Variants in EYA2 observed in about 807,000 individuals in gnomAD.
The protein encoded by EYA2 is EYA transcriptional coactivator and phosphatase 2, also known as protein phosphatase EYA2.
A neutral mutation model predicts 69.2 loss-of-function variants in EYA2; 31 were observed. The observed-to-expected ratio is 0.45, with a 90% CI of 0.34 to 0.60. The LOEUF (loss-of-function observed/expected upper bound fraction) is 0.60, where lower values mean the gene tolerates loss of function less well. EYA2 is among the 20% of genes least tolerant of loss of function. The pLI, the probability that EYA2 is intolerant of heterozygous loss-of-function variation, is 0.02. For synonymous variants in EYA2, 257 were observed against 279.4 expected, an observed-to-expected ratio of 0.92 and a Z score of 0.80; for missense variants, 622 against 701.2, an observed-to-expected ratio of 0.89 and a Z score of 1.28.
At chr20:47,017,733 C>T (rs1203391466) in intron 5 of EYA2, among the ~76,000 whole-genome samples, 2 of 152,208 alleles carry the variant, frequency 1.3e-5, no homozygotes, top group African/African-American at 4.8e-5. Context: ...TGGGTTCTCT[C>T]ATACAACCTT....
At chr20:46,987,997 T>TATATATA (rs1568707230) in intron 1 of EYA2, among the ~76,000 whole-genome samples, 1 of 69,022 alleles carries the variant, frequency 1.4e-5, no homozygotes, top group African/African-American at 5.6e-5. Context: ...TATATATATA[T>TATATATA]GGGGCAAAAA....
At chr20:46,976,202 A>C (rs1452684685) in intron 1 of EYA2, among the ~76,000 whole-genome samples, 1 of 152,180 alleles carries the variant, frequency 6.6e-6, no homozygotes, top group Non-Finnish European at 1.5e-5. Context: ...TCTCCACAAA[A>C]AAATAAAAAT....
intron 10 of EYA2, among the ~76,000 whole-genome samples, chr20:47,158,520 A>C (rs6012123): frequency 0.36 from 54,827 of 150,380 alleles, 10,189 homozygotes; most frequent in Non-Finnish European, 0.39. Flanking sequence ...TCTGTCTCAA[A>C]AAAAAAAAAA....
intron 10 of EYA2, among the ~76,000 whole-genome samples, chr20:47,156,065 C>A (rs1428844493): frequency 9.7e-6 from 1 of 102,892 alleles, no homozygotes; most frequent in Non-Finnish European, 1.8e-5. Context: ...TATATACATA[C>A]ACACACACAC....
chr20:47,166,615 T>C (rs1348456696), intron 10 of EYA2, among the ~76,000 whole-genome samples: 1 of 151,856 alleles, frequency 6.6e-6, no homozygotes, highest in African/African-American at 2.4e-5. Flanking sequence ...GGCAGCTGCC[T>C]CGAGAAATCA....
intron 9 of EYA2, among the ~76,000 whole-genome samples, chr20:47,139,555 G>C (rs905135601): frequency 2.0e-5 from 3 of 152,042 alleles, no homozygotes; most frequent in Non-Finnish European, 4.4e-5. Flanking sequence ...TCAGCCTCCC[G>C]AATAGCTGGG....
rs766324822 is a variant in EYA2 at position 47,016,309 on chromosome 20, G to T, written c.415+12G>T. On this transcript the variant is annotated intron_variant, in intron 5 of 15. Transcript: ENST00000327619. ...CTACCAGATGCACGGTCAGTGTGGC[G>T]CTGTGGCCCCTTCCTGCCCATCTCT... The T allele has an allele frequency of 1.3e-6, 2 of 1,599,536 alleles. No homozygotes were observed. The highest frequency in any genetic ancestry group is 1.3e-5 in the African/African-American group (1 of 74,780).
chr20:46,977,110 C>T lies in EYA2; in HGVS notation c.-10-12891C>T, dbSNP rs772596086. On this transcript the variant is annotated intron_variant, in intron 1 of 15. Coordinates refer to ENST00000327619, the MANE Select transcript of EYA2 (RefSeq NM_005244.5). The stretch of plus-strand genomic sequence containing the variant: ...GGAACAAGATGTACAAGATCAATAG[C>T]GATAACAACACATTCACAAAACACA... Among the ~76,000 whole-genome samples the T allele has an allele frequency of 1.4e-4, 21 of 152,132 alleles. No homozygotes were observed. In the South Asian group the frequency reaches 1.9e-3, roughly 14 times the overall value.
chr20:47,081,687 G>A (rs1270686803), intron 7 of EYA2, among the ~76,000 whole-genome samples: 2 of 150,818 alleles, frequency 1.3e-5, no homozygotes, highest in Non-Finnish European at 3.0e-5. Context: ...GCTGAGGCAG[G>A]AGAATCACTT....
chr20:47,119,705 G>T (rs932678692), intron 9 of EYA2, among the ~76,000 whole-genome samples: 1 of 152,172 alleles, frequency 6.6e-6, no homozygotes, highest in African/African-American at 2.4e-5. Flanking sequence ...TTTCCTTTTA[G>T]GGTGATGAAA....
intron 10 of EYA2, among the ~76,000 whole-genome samples, chr20:47,160,103 G>A (rs991175855): frequency 2.0e-5 from 3 of 152,152 alleles, no homozygotes; most frequent in Non-Finnish European, 2.9e-5. Context: ...GAGCAGGAGC[G>A]GGACGTGATC....
In EYA2 at chr20:46,895,313, G is replaced by C. The variant is rs916518790; in HGVS notation, c.-11+326G>C. ...ATGGCGCGCAGGCGGTGTAGACGCGGCTGGGTCCTTGGCGTTTTGTTCGAT... is the reference window on the plus strand; with the variant it reads ...ATGGCGCGCAGGCGGTGTAGACGCGCCTGGGTCCTTGGCGTTTTGTTCGAT... On this transcript the variant is annotated intron_variant, in intron 1 of 15. Transcript: ENST00000327619. Among the ~76,000 whole-genome samples the C allele has an allele frequency of 7.2e-5, 11 of 152,306 alleles. No individual in the cohort carries two copies. In the Middle Eastern group the frequency reaches 0.01, roughly 141 times the overall value.
rs550566558 is a variant in EYA2, at chr20:47,057,517, C to T, written c.416-14668C>T. Among the ~76,000 whole-genome samples, 142 of 150,682 alleles carry T rather than the reference C, an allele frequency of 9.4e-4. 2 individuals carry two copies. The highest frequency in any genetic ancestry group is 3.7e-4 in the Non-Finnish European group (25 of 67,336). On this transcript the variant is annotated intron_variant, in intron 5 of 15. Coordinates refer to ENST00000327619, the MANE Select transcript of EYA2 (RefSeq NM_005244.5). ...CTGACTACTTTTTATATCACCCCCC[C>T]CCCCCATCTCATACCTCCAGACCTT... is the stretch of plus-strand genomic sequence containing the variant.
intron 2 of EYA2, among the ~76,000 whole-genome samples, chr20:46,994,415 A>G (rs1981882863): frequency 6.6e-6 from 1 of 152,178 alleles, no homozygotes; most frequent in African/African-American, 2.4e-5. Context: ...TTTAAAATGC[A>G]CATGCATTTT....
At chr20:47,073,260 T>C (rs2031382219) in intron 6 of EYA2, among the ~76,000 whole-genome samples, 1 of 152,134 alleles carries the variant, frequency 6.6e-6, no homozygotes, top group Non-Finnish European at 1.5e-5. Flanking sequence ...TTTGAAACAA[T>C]GACTGTTGGA....
chr20:47,053,552 G>A (rs1041904740), intron 5 of EYA2, among the ~76,000 whole-genome samples: 4 of 151,266 alleles, frequency 2.6e-5, no homozygotes, highest in Admixed American at 6.6e-5. Flanking sequence ...CTGTAGTCTC[G>A]GCTACTCAGG....
chr20:47,117,589 A>G (rs567273578), intron 9 of EYA2: 34 of 969,444 alleles, frequency 3.5e-5, no homozygotes, highest in South Asian at 4.7e-5. Context: ...AATCAGATCC[A>G]GTTGGCGATA....
intron 5 of EYA2, among the ~76,000 whole-genome samples, chr20:47,068,301 A>C (rs1004012944): frequency 6.6e-6 from 1 of 152,266 alleles, no homozygotes; most frequent in Non-Finnish European, 1.5e-5. Flanking sequence ...TAATGGCCTC[A>C]GTATCTTTGT....
At chr20:47,094,363 A>G (rs976189082) in intron 8 of EYA2, among the ~76,000 whole-genome samples, 3 of 152,250 alleles carry the variant, frequency 2.0e-5, no homozygotes, top group Admixed American at 6.5e-5. Context: ...CATTTTTACC[A>G]TGACCCGTAA....
Sources: gnomAD v4.1 joint callset for allele counts (sites outside exome capture counted in the v4.1 genomes callset) on GRCh38, gnomAD v4.1.1 for gene constraint, MANE v1.5 for transcripts, NCBI Gene and HGNC (gene_info 2026-07-23, HGNC 2026-07-21) for gene names.